Variants in FGD6 observed in about 807,000 individuals in gnomAD.
FGD6 encodes the protein FYVE, RhoGEF and PH domain containing 6.
FGD6 carries 90 observed loss-of-function variants against 149.4 expected under a neutral mutation model. That is an observed-to-expected ratio of 0.60 (90% CI 0.51 to 0.72). The LOEUF is 0.72. Ranked by LOEUF, FGD6 falls within the 30% of genes least tolerant of loss-of-function variation. The probability of loss-of-function intolerance (pLI) is 0.00; values close to 1 mark genes in which losing one functional copy is unlikely to be tolerated. For missense variants in FGD6, 1,437 were observed against 1,684.8 expected (o/e 0.85, Z 2.57); for synonymous variants, 527 against 584.0 (o/e 0.90, Z 1.41).
At chr12:95,174,806 T>TAGTCCC (rs918967587) in intron 2 of FGD6, among the ~76,000 whole-genome samples, 1 of 151,166 alleles carries the variant, frequency 6.6e-6, no homozygotes, top group African/African-American at 2.4e-5. Context: ...AGGGCGCCTG[T>TAGTCCC]AGTCCCAGCT....
At chr12:95,141,283 A>C in intron 6 of FGD6, 105 bp downstream of exon 6, 3 of 1,213,356 alleles carry the variant, frequency 2.5e-6, no homozygotes, top group Non-Finnish European at 3.5e-6. Flanking sequence ...CAATATATTC[A>C]AACAACTCAA....
In FGD6 at chr12:95,210,623, C is replaced by T. The variant is rs1285805324; in HGVS notation, c.661G>A (p.Glu221Lys). 6.2e-7 allele frequency: 1 copy of T among 1,614,162 alleles called. No homozygotes were observed. The highest frequency in any genetic ancestry group is 1.1e-5 in the South Asian group (1 of 91,078). ...GCNSNGQFRI[E>K]FADLSPSPSS... ...GGGGAAGGTGACAAATCCGCAAATTCAATTCTGAATTGTCCATTTGAATTA... is the reference window on the plus strand; with the variant it reads ...GGGGAAGGTGACAAATCCGCAAATTTAATTCTGAATTGTCCATTTGAATTA... The change falls in exon 2 of 21, where the codon GAA becomes AAA. Residue 221 changes from glutamate (E) to lysine (K), a missense_variant. Glu to Lys is a moderately conservative substitution (Grantham distance 56). Transcript: ENST00000343958.
At chr12:95,142,806 T>C (rs1452791016) in intron 5 of FGD6, among the ~76,000 whole-genome samples, 1 of 152,214 alleles carries the variant, frequency 6.6e-6, no homozygotes, top group African/African-American at 2.4e-5. Context: ...AACCTCTCAA[T>C]AAATTCACCA....
In FGD6 at chr12:95,206,353, G is replaced by A. The variant is rs796890560; in HGVS notation, c.2441+2490C>T. 1.3e-3 allele frequency among the ~76,000 whole-genome samples: 202 copies of A among 152,182 alleles called. 1 individual carries two copies. Among genetic ancestry groups the A allele is most frequent in the African/African-American group, 4.7e-3 (195 of 41,520 alleles). ...AGGATAGTACCAATAAAATGGTTCTGCAGAGAAGAGCAATCCTGAAAACAG... is the reference window on the plus strand; with the variant it reads ...AGGATAGTACCAATAAAATGGTTCTACAGAGAAGAGCAATCCTGAAAACAG... On this transcript the variant is annotated intron_variant, in intron 2 of 20. Coordinates refer to ENST00000343958, the MANE Select transcript of FGD6 (RefSeq NM_018351.4).
intron 8 of FGD6, among the ~76,000 whole-genome samples, chr12:95,123,846 G>C (rs772266777): frequency 6.6e-6 from 1 of 151,992 alleles, no homozygotes; most frequent in Non-Finnish European, 1.5e-5. Context: ...ACAGGCGTGA[G>C]CCACCACGCC....
At chr12:95,098,027 G>T (rs1878297498) in intron 14 of FGD6, among the ~76,000 whole-genome samples, 1 of 152,116 alleles carries the variant, frequency 6.6e-6, no homozygotes, top group African/African-American at 2.4e-5. Flanking sequence ...GCCAGCCGTG[G>T]TCATCTCTAA....
At chr12:95,083,978 G>C (rs554420829) in intron 20 of FGD6, among the ~76,000 whole-genome samples, 1 of 152,310 alleles carries the variant, frequency 6.6e-6, no homozygotes, top group East Asian at 1.9e-4. Flanking sequence ...GACTGTTTCA[G>C]CCTTTGCCAT....
Position 95,094,637 on chromosome 12 carries a change from A to G in FGD6, c.3555T>C (p.Tyr1185=). 2 of 1,613,584 alleles carry G rather than the reference A, an allele frequency of 1.2e-6. No homozygotes were observed. Among genetic ancestry groups the G allele is most frequent in the South Asian group, 2.2e-5 (2 of 91,044 alleles). The part of the protein sequence containing the change: ...LEAISRAIEE[Y]AKKRITFCPS... ...GACAGAAGGTGATTCTTTTCTTGGCATACTCTTCTATTGCCCTGGAAATCG... is the reference window on the plus strand; with the variant it reads ...GACAGAAGGTGATTCTTTTCTTGGCGTACTCTTCTATTGCCCTGGAAATCG... Residue 1185 remains tyrosine (Y), a synonymous_variant, in exon 15 of 21, where the codon TAT becomes TAC. Coordinates refer to ENST00000343958, the MANE Select transcript of FGD6 (RefSeq NM_018351.4).
intron 7 of FGD6, among the ~76,000 whole-genome samples, chr12:95,136,900 A>G (rs914550515): frequency 6.6e-6 from 1 of 152,204 alleles, no homozygotes; most frequent in Non-Finnish European, 1.5e-5. Context: ...CGTACTTAAC[A>G]TTACTGAACT....
intron 5 of FGD6, among the ~76,000 whole-genome samples, chr12:95,148,519 T>G (rs1592851656): frequency 8.6e-6 from 1 of 116,052 alleles, no homozygotes. Flanking sequence ...ATATATTATA[T>G]TATATATTAT....
chr12:95,082,137 C>A (rs1877696110), intron 20 of FGD6, among the ~76,000 whole-genome samples: 1 of 152,104 alleles, frequency 6.6e-6, no homozygotes, highest in African/African-American at 2.4e-5. Flanking sequence ...TTGATGCTAC[C>A]AATTAATTTA....
At position 95,210,203 on chromosome 12, in the gene FGD6, T is replaced by C; in HGVS notation, c.1081A>G (p.Ile361Val). Residue 361 changes from isoleucine to valine, a missense_variant, in exon 2 of 21, where the codon ATC becomes GTC. Transcript: ENST00000343958. ...AAAACATTCTGATGCAGAACACTGA[T>C]TTTATTGATTTTCAAACTATTTTCA... ...LTENSLKINK[I>V]SVLHQNVLCK... The C allele has an allele frequency of 6.2e-7, 1 of 1,614,068 alleles. No homozygotes were observed. Among genetic ancestry groups the C allele is most frequent in the Non-Finnish European group, 8.5e-7 (1 of 1,180,026 alleles).
At position 95,078,161 on chromosome 12, in the gene FGD6, G is replaced by C. The variant is rs900620398; in HGVS notation, c.*3359C>G. ...TTGAGTTCAGCATGGGAAACATAGC[G>C]AGACCCGGTCTCTTAAAAACTAAAA... On this transcript the variant is annotated 3_prime_UTR_variant, in exon 21 of 21. Transcript: ENST00000343958. 1 of 152,310 alleles carries C rather than the reference G, an allele frequency of 6.6e-6. No individual in the cohort carries two copies. Among genetic ancestry groups the C allele is most frequent in the Non-Finnish European group, 1.5e-5 (1 of 68,070 alleles). 9.4% of individuals were successfully genotyped at this position (152,310 alleles called of 1,614,324 possible).
intron 3 of FGD6, among the ~76,000 whole-genome samples, chr12:95,160,088 T>C (rs985335527): frequency 1.3e-5 from 2 of 151,724 alleles, no homozygotes; most frequent in Non-Finnish European, 2.9e-5. Flanking sequence ...CTCACGCTTG[T>C]AACCCTAGCA....
In FGD6 at chr12:95,148,496, T is replaced by C. The variant is rs537986537; in HGVS notation, c.2685+4315A>G. Reference sequence around the variant, plus strand: ...AAATCCCTTCCAAATATATATATAATATAATATATAGCATATATTATATTA... The same window carrying C: ...AAATCCCTTCCAAATATATATATAACATAATATATAGCATATATTATATTA... On this transcript the variant is annotated intron_variant, in intron 5 of 20. Transcript: ENST00000343958. Among the ~76,000 whole-genome samples, 108 of 119,962 alleles carry C rather than the reference T, an allele frequency of 9.0e-4. 2 individuals carry two copies. Among genetic ancestry groups the C allele is most frequent in the African/African-American group, 3.1e-3 (103 of 33,566 alleles). The allele number at this position is 119,962 out of a possible 152,430, so 78.7% of individuals were successfully genotyped here.
At chr12:95,206,865 G>A (rs899687963) in intron 2 of FGD6, among the ~76,000 whole-genome samples, 6 of 152,094 alleles carry the variant, frequency 3.9e-5, no homozygotes, top group African/African-American at 1.4e-4. Context: ...AGGAAGGGCA[G>A]GAAAGACTGA....
intron 3 of FGD6, among the ~76,000 whole-genome samples, chr12:95,167,488 AC>A (rs1880854973): frequency 6.6e-6 from 1 of 151,254 alleles, no homozygotes; most frequent in South Asian, 2.1e-4. Flanking sequence ...GATGTTGAAC[AC>A]CTTTTTACAT....
intron 14 of FGD6, chr12:95,100,497 C>T (rs973762535): frequency 1.5e-4 from 51 of 340,346 alleles, no homozygotes; most frequent in Middle Eastern, 1.1e-3. Flanking sequence ...TACACTGTCT[C>T]GCCCACCATG....
chr12:95,091,050 G>A (rs997473447), intron 17 of FGD6, among the ~76,000 whole-genome samples: 1 of 152,166 alleles, frequency 6.6e-6, no homozygotes, highest in Non-Finnish European at 1.5e-5. Flanking sequence ...TGCATATTGT[G>A]TCACTGCACT....
Sources: gnomAD v4.1 joint callset for allele counts (sites outside exome capture counted in the v4.1 genomes callset) on GRCh38, gnomAD v4.1.1 for gene constraint, MANE v1.5 for transcripts, NCBI Gene and HGNC (gene_info 2026-07-23, HGNC 2026-07-21) for gene names.